CDH9: variants seen among roughly 807,000 people sequenced by gnomAD.
CDH9 encodes the protein cadherin 9.
Under a neutral mutation model 70.9 loss-of-function variants are expected in CDH9, and 28 were observed. The observed-to-expected ratio is 0.40, with a 90% CI of 0.29 to 0.54. CDH9 has a LOEUF of 0.54. CDH9 is among the 20% of genes least tolerant of loss of function. The probability of loss-of-function intolerance (pLI) is 0.59; values close to 1 mark genes in which losing one functional copy is unlikely to be tolerated. For synonymous variants in CDH9, 409 were observed against 343.1 expected, an observed-to-expected ratio of 1.19 and a Z score of -2.12; for missense variants, 874 against 984.4, an observed-to-expected ratio of 0.89 and a Z score of 1.50.
chr5:26,994,581 CT>C (rs1302032428), intron 1 of CDH9, among the ~76,000 whole-genome samples: 1 of 149,516 alleles, frequency 6.7e-6, no homozygotes, highest in African/African-American at 2.5e-5. Flanking sequence ...TTTTTTTGCT[CT>C]TGGCTATGTG....
chr5:26,889,127 T>C (rs896852491), intron 9 of CDH9, among the ~76,000 whole-genome samples: 2 of 152,202 alleles, frequency 1.3e-5, no homozygotes, highest in African/African-American at 4.8e-5. Context: ...GAATTAAAGA[T>C]GATTCTTAAC....
chr5:26,934,964 A>G (rs1311032521), intron 2 of CDH9, among the ~76,000 whole-genome samples: 3 of 151,920 alleles, frequency 2.0e-5, no homozygotes, highest in Non-Finnish European at 4.4e-5. Flanking sequence ...AGTGTCTCTC[A>G]TGAACATGGA....
At chr5:27,033,443 CAGATATAA>C (rs926413773) in intron 1 of CDH9, among the ~76,000 whole-genome samples, 2 of 149,256 alleles carry the variant, frequency 1.3e-5, no homozygotes, top group Non-Finnish European at 3.0e-5. Context: ...GAAACATATG[CAGATATAA>C]AGATATAAAG....
In CDH9 at chr5:26,885,974, T is replaced by C; in HGVS notation, c.1622A>G (p.Asp541Gly). 3.1e-6 allele frequency: 5 copies of C among 1,605,296 alleles called. No homozygotes were observed. The highest frequency in any genetic ancestry group is 4.3e-6 in the Non-Finnish European group (5 of 1,176,384). The change falls in exon 10 of 12, where the codon GAT becomes GGT. Residue 541 changes from aspartate to glycine, a missense_variant. Asp to Gly is a moderately conservative substitution (Grantham distance 94). Coordinates refer to ENST00000231021, the MANE Select transcript of CDH9 (RefSeq NM_016279.4). ...FTLNPNFTIV[D>G]NKDNTAGIMT... ...TAGAAATTTTCTTATACCTTTATTATCTACAATGGTGAAATTCGGATTGAG... is the reference window on the plus strand; with the variant it reads ...TAGAAATTTTCTTATACCTTTATTACCTACAATGGTGAAATTCGGATTGAG...
rs555002477 is a variant in CDH9, at chr5:26,897,193, A to T, written c.1253+5283T>A. On this transcript the variant is annotated intron_variant, in intron 7 of 11. Coordinates refer to ENST00000231021, the MANE Select transcript of CDH9 (RefSeq NM_016279.4). ...CAGTAATTAATAACCTACCAACAAA[A>T]AAAAAGCCCAAGAACAGACGGATTC... 2.6e-5 allele frequency among the ~76,000 whole-genome samples: 4 copies of T among 152,214 alleles called. No individual in the cohort carries two copies. In the South Asian group the frequency reaches 8.3e-4, roughly 32 times the overall value.
In CDH9 at chr5:26,881,292, A is replaced by C; in HGVS notation, c.2214T>G (p.Tyr738Ter). Reference sequence around the variant, plus strand: ...CTATGGAATCATTCCCTTCATAGGCATACGTTGCCAGCGAATCATATGGAG... The same window carrying C: ...CTATGGAATCATTCCCTTCATAGGCCTACGTTGCCAGCGAATCATATGGAG... The part of the protein sequence containing the change: ...SAPPYDSLAT[Y>*]AYEGNDSIAD... The change falls in exon 12 of 12, where the codon TAT becomes TAG. Residue 738 changes from tyrosine to a stop codon, truncating the protein, a stop_gained. Coordinates refer to ENST00000231021, the MANE Select transcript of CDH9 (RefSeq NM_016279.4). LOFTEE classifies it high-confidence loss of function. The C allele has an allele frequency of 6.2e-7, 1 of 1,613,292 alleles. No homozygotes were observed. Among genetic ancestry groups the C allele is most frequent in the South Asian group, 1.1e-5 (1 of 91,080 alleles).
chr5:26,905,919 GAGA>G, intron 5 of CDH9, 37 bp downstream of exon 5: 5 of 1,511,110 alleles, frequency 3.3e-6, no homozygotes, highest in Non-Finnish European at 4.6e-6. Context: ...TAGTGTATTT[GAGA>G]AGTTTTTGGA....
At chr5:27,003,056 GT>G (rs1742799343) in intron 1 of CDH9, among the ~76,000 whole-genome samples, 1 of 152,168 alleles carries the variant, frequency 6.6e-6, no homozygotes, top group East Asian at 1.9e-4. Context: ...AAATGTTTCG[GT>G]TTTGGATCTT....
intron 11 of CDH9, among the ~76,000 whole-genome samples, chr5:26,884,942 G>A (rs1009852372): frequency 3.9e-5 from 6 of 152,090 alleles, no homozygotes; most frequent in Non-Finnish European, 2.9e-5. Context: ...GGCTAGGTAG[G>A]ACCACAGCGA....
chr5:26,888,913 T>A (rs1248379340), intron 9 of CDH9, among the ~76,000 whole-genome samples: 1 of 152,160 alleles, frequency 6.6e-6, no homozygotes, highest in African/African-American at 2.4e-5. Flanking sequence ...GCTAATTCCA[T>A]CAGATCAGGC....
At chr5:26,910,790 A>T (rs1741038893) in intron 3 of CDH9, among the ~76,000 whole-genome samples, 1 of 152,150 alleles carries the variant, frequency 6.6e-6, no homozygotes, top group Admixed American at 6.5e-5. Context: ...TAGTCTTCAC[A>T]CCTCTATATG....
At chr5:27,019,644 G>T (rs1232690765) in intron 1 of CDH9, among the ~76,000 whole-genome samples, 1 of 151,680 alleles carries the variant, frequency 6.6e-6, no homozygotes, top group African/African-American at 2.4e-5. Context: ...ACACAGAGAA[G>T]AAAAATTAGT....
At chr5:26,902,455 A>G in intron 7 of CDH9, 21 bp downstream of exon 7, 1 of 1,539,502 alleles carries the variant, frequency 6.5e-7, no homozygotes, top group Non-Finnish European at 8.9e-7. Flanking sequence ...AAAACATAAT[A>G]AATGTTTTCA....
chr5:27,015,490 A>C (rs1299228364), intron 1 of CDH9, among the ~76,000 whole-genome samples: 2 of 151,838 alleles, frequency 1.3e-5, no homozygotes, highest in Non-Finnish European at 2.9e-5. Flanking sequence ...TATTTAGCAA[A>C]GCAACATTTG....
At chr5:26,991,825 T>A (rs374913628) in intron 1 of CDH9, among the ~76,000 whole-genome samples, 96 of 152,200 alleles carry the variant, frequency 6.3e-4, no homozygotes, top group Admixed American at 2.0e-3. Context: ...GAAAAGTGGA[T>A]CTATTGGAAA....
intron 6 of CDH9, chr5:26,903,321 G>T: frequency 2.5e-6 from 1 of 399,308 alleles, no homozygotes; most frequent in Admixed American, 4.1e-5. Context: ...AAAATATTTT[G>T]AAAAGTGCAT....
At chr5:26,956,304 T>C (rs1010019092) in intron 2 of CDH9, among the ~76,000 whole-genome samples, 1 of 152,180 alleles carries the variant, frequency 6.6e-6, no homozygotes, top group African/African-American at 2.4e-5. Flanking sequence ...ATTGTGAGGC[T>C]TCCTAAGCCA....
chr5:26,881,681 C>T, intron 11 of CDH9, 58 bp from the exon 12 acceptor site: 1 of 1,472,692 alleles, frequency 6.8e-7, no homozygotes, highest in Non-Finnish European at 9.1e-7. Flanking sequence ...AAATAGAGTA[C>T]ACTTCTGAGT....
chr5:26,939,462 A>G lies in CDH9; in HGVS notation c.229-23538T>C, dbSNP rs1251369656. Among the ~76,000 whole-genome samples, 3 of 151,644 alleles carry G rather than the reference A, an allele frequency of 2.0e-5. No homozygotes were observed. In the East Asian group the frequency reaches 5.8e-4, roughly 29 times the overall value. On this transcript the variant is annotated intron_variant, in intron 2 of 11. Transcript: ENST00000231021. ...AAAGTATATATACATATATATTTAT[A>G]CATATGTATATATACTGTCTCTACT...
Sources: gnomAD v4.1 joint callset for allele counts (sites outside exome capture counted in the v4.1 genomes callset) on GRCh38, gnomAD v4.1.1 for gene constraint, MANE v1.5 for transcripts, NCBI Gene and HGNC (gene_info 2026-07-23, HGNC 2026-07-21) for gene names.